The following TTLL9 variants were observed in gnomAD, a reference collection of about 807,000 sequenced individuals.
TTLL9 encodes the protein tubulin tyrosine ligase like 9.
TTLL9 carries 47 observed loss-of-function variants against 65.6 expected under a neutral mutation model. The observed-to-expected ratio is 0.72, with a 90% CI of 0.57 to 0.91. The LOEUF is 0.91. Ranked by LOEUF, TTLL9 falls within the 40% of genes least tolerant of loss-of-function variation. The probability of loss-of-function intolerance (pLI) is 0.00; values close to 1 mark genes in which losing one functional copy is unlikely to be tolerated. For missense variants in TTLL9, 537 were observed against 568.8 expected (o/e 0.94, Z 0.57); for synonymous variants, 179 against 204.8 (o/e 0.87, Z 1.07).
intron 2 of TTLL9, among the ~76,000 whole-genome samples, chr20:31,873,969 G>A (rs560703071): frequency 6.6e-6 from 1 of 152,350 alleles, no homozygotes; most frequent in Admixed American, 6.5e-5. Context: ...CTAGGCGGGT[G>A]AGCCAATGTC....
At chr20:31,923,363 G>GCTGC (rs1373206705) in intron 8 of TTLL9, among the ~76,000 whole-genome samples, 4 of 152,176 alleles carry the variant, frequency 2.6e-5, no homozygotes, top group Non-Finnish European at 4.4e-5. Flanking sequence ...CTGAATACTG[G>GCTGC]CTGCCCCTCA....
intron 4 of TTLL9, among the ~76,000 whole-genome samples, chr20:31,904,785 C>T (rs1270400254): frequency 6.6e-6 from 1 of 152,192 alleles, no homozygotes; most frequent in African/African-American, 2.4e-5. Flanking sequence ...TCCTGTCCCT[C>T]ATTTAATTAT....
chr20:31,941,561 T>A (rs912489399), intron 14 of TTLL9, among the ~76,000 whole-genome samples: 2 of 143,194 alleles, frequency 1.4e-5, no homozygotes, highest in African/African-American at 4.9e-5. Flanking sequence ...CTGTTTTTTT[T>A]TTATTATTTT....
intron 6 of TTLL9, among the ~76,000 whole-genome samples, chr20:31,917,712 T>A (rs1419215735): frequency 6.6e-6 from 1 of 152,250 alleles, no homozygotes; most frequent in Non-Finnish European, 1.5e-5. Context: ...TCTCAGGTAG[T>A]ATATAGTAGT....
chr20:31,870,782 C>T lies in TTLL9; in HGVS notation c.-173C>T, dbSNP rs1167122638. The stretch of plus-strand genomic sequence containing the variant: ...GGGGATGTCGCCTAGAGCCCCCCGG[C>T]CGGCCCACAAACTCCCGTCCCCCTT... On this transcript the variant is annotated 5_prime_UTR_variant, in exon 1 of 15. Transcript: ENST00000535842. This position sits in a 1 kb window ranked among gnomAD's most constrained non-coding sequence, Gnocchi z 6.6. The T allele has an allele frequency of 6.1e-6, 3 of 489,500 alleles. No individual in the cohort carries two copies. The highest frequency in any genetic ancestry group is 4.3e-5 in the South Asian group (1 of 23,236). 30.3% of individuals were successfully genotyped at this position (489,500 alleles called of 1,614,324 possible).
chr20:31,921,776 G>A (rs1454735262), intron 7 of TTLL9, among the ~76,000 whole-genome samples: 1 of 151,838 alleles, frequency 6.6e-6, no homozygotes, highest in Non-Finnish European at 1.5e-5. Flanking sequence ...TGAACAATGA[G>A]AACACTTGGA....
At chr20:31,881,239 CT>C (rs1438718167) in intron 2 of TTLL9, among the ~76,000 whole-genome samples, 2 of 152,156 alleles carry the variant, frequency 1.3e-5, no homozygotes, top group Non-Finnish European at 2.9e-5. Context: ...TGAACTTTGC[CT>C]TTTTACTACA....
chr20:31,918,774 ACTT>A (rs2063774152), intron 6 of TTLL9, among the ~76,000 whole-genome samples: 1 of 152,174 alleles, frequency 6.6e-6, no homozygotes, highest in Admixed American at 6.6e-5. Context: ...CCTGATGCAC[ACTT>A]ATTAGTTGCT....
At chr20:31,933,654 G>A (rs901327858) in intron 10 of TTLL9, 146 bp from the exon 11 acceptor site, 3 of 665,412 alleles carry the variant, frequency 4.5e-6, no homozygotes, top group African/African-American at 1.8e-5. Flanking sequence ...TTGAATCCAG[G>A]CCCATCTGAC....
intron 9 of TTLL9, among the ~76,000 whole-genome samples, chr20:31,925,595 G>T (rs2063888159): frequency 6.6e-6 from 1 of 152,070 alleles, no homozygotes; most frequent in African/African-American, 2.4e-5. Flanking sequence ...AAATCTTTTT[G>T]CTGGGCACAG....
chr20:31,926,535 C>T (rs2063910070), intron 10 of TTLL9, among the ~76,000 whole-genome samples: 1 of 152,196 alleles, frequency 6.6e-6, no homozygotes, highest in Admixed American at 6.5e-5. Context: ...CCAGCAATTC[C>T]TCTTCTGGGA....
chr20:31,879,910 C>G, intron 2 of TTLL9: 1 of 1,549,364 alleles, frequency 6.5e-7, no homozygotes, highest in South Asian at 1.2e-5. Flanking sequence ...AGGAGTCGAC[C>G]TGACCCAGAT....
rs1310519174 is a variant in TTLL9, at chr20:31,944,990, C to T, written c.*1969C>T. 1.3e-5 allele frequency: 2 copies of T among 152,208 alleles called. No homozygotes were observed. Among genetic ancestry groups the T allele is most frequent in the Non-Finnish European group, 2.9e-5 (2 of 68,056 alleles). The allele number at this position is 152,208 out of a possible 1,614,324, so 9.4% of individuals were successfully genotyped here. On this transcript the variant is annotated 3_prime_UTR_variant, in exon 15 of 15. Transcript: ENST00000535842. ...TCATTCAGCTAACATTTATTGAGCCCTTAATGAACACATAAGAGTTTTGAC... is the reference window on the plus strand; with the variant it reads ...TCATTCAGCTAACATTTATTGAGCCTTTAATGAACACATAAGAGTTTTGAC...
At chr20:31,914,638 G>A (rs1317343552) in intron 6 of TTLL9, among the ~76,000 whole-genome samples, 1 of 152,198 alleles carries the variant, frequency 6.6e-6, no homozygotes, top group Non-Finnish European at 1.5e-5. Context: ...GGCTGGGAGA[G>A]AATCAGGCCT....
intron 10 of TTLL9, among the ~76,000 whole-genome samples, chr20:31,927,972 T>C (rs867125694): frequency 1.6e-4 from 24 of 152,362 alleles, no homozygotes; most frequent in East Asian, 1.2e-3. Flanking sequence ...GCACTTCCAG[T>C]ACGTTCATTT....
At chr20:31,912,816 C>T (rs2063677622) in intron 6 of TTLL9, among the ~76,000 whole-genome samples, 1 of 152,084 alleles carries the variant, frequency 6.6e-6, no homozygotes, top group Admixed American at 6.6e-5. Context: ...AAGCCCTCAA[C>T]TGATTAAATG....
chr20:31,942,307 T>C (rs536065070), intron 14 of TTLL9, among the ~76,000 whole-genome samples: 1 of 152,332 alleles, frequency 6.6e-6, no homozygotes, highest in East Asian at 1.9e-4. Flanking sequence ...TGTAGCACCA[T>C]GAACGTCCTG....
chr20:31,912,429 G>A (rs1373637218), intron 6 of TTLL9, among the ~76,000 whole-genome samples: 3 of 152,146 alleles, frequency 2.0e-5, no homozygotes, highest in East Asian at 1.9e-4. Flanking sequence ...TCAAACTTGA[G>A]GGTGCAGCAG....
intron 11 of TTLL9, among the ~76,000 whole-genome samples, chr20:31,934,144 A>G (rs1176178006): frequency 6.6e-6 from 1 of 152,266 alleles, no homozygotes; most frequent in African/African-American, 2.4e-5. Flanking sequence ...TCAACGGATT[A>G]ATCGATTAAT....
Sources: allele counts gnomAD v4.1 joint callset (sites outside exome capture counted in the v4.1 genomes callset), GRCh38; gene constraint gnomAD v4.1.1; non-coding constraint Gnocchi (gnomAD v3.1); transcripts MANE v1.5; gene names NCBI Gene and HGNC (gene_info 2026-07-23, HGNC 2026-07-21).